Variants in MCCC2 observed in about 807,000 individuals in gnomAD.
The protein encoded by MCCC2 is methylcrotonoyl-CoA carboxylase beta chain, mitochondrial.
In MCCC2, 52 loss-of-function variants were observed where a neutral mutation model predicts 77.2. The ratio of observed to expected loss-of-function variants is 0.67; its 90% CI spans 0.54 to 0.85. The LOEUF (loss-of-function observed/expected upper bound fraction) is 0.85, where lower values mean the gene tolerates loss of function less well. Ranked by LOEUF, MCCC2 falls within the 40% of genes least tolerant of loss-of-function variation. The pLI is 0.00. For missense variants in MCCC2, 682 were observed against 703.2 expected, an observed-to-expected ratio of 0.97 and a Z score of 0.34; for synonymous variants, 253 against 248.4, an observed-to-expected ratio of 1.02 and a Z score of -0.18.
At chr5:71,633,787 G>A (rs1456217624) in intron 8 of MCCC2, among the ~76,000 whole-genome samples, 1 of 152,066 alleles carries the variant, frequency 6.6e-6, no homozygotes, top group Non-Finnish European at 1.5e-5. Context: ...TGTTCCTTCT[G>A]CTTCTATTTG....
chr5:71,601,380 G>C (rs760110249), intron 4 of MCCC2, among the ~76,000 whole-genome samples: 12 of 152,182 alleles, frequency 7.9e-5, no homozygotes, highest in Non-Finnish European at 5.9e-5. Context: ...CACACACTCT[G>C]GAGTGTGAGG....
chr5:71,614,892 T>G (rs910390100), intron 6 of MCCC2, among the ~76,000 whole-genome samples: 1 of 152,212 alleles, frequency 6.6e-6, no homozygotes, highest in Non-Finnish European at 1.5e-5. Context: ...AAAAGAACAC[T>G]AAAATGATGC....
At chr5:71,631,895 G>C (rs1411424759) in intron 7 of MCCC2, among the ~76,000 whole-genome samples, 1 of 152,098 alleles carries the variant, frequency 6.6e-6, no homozygotes, top group East Asian at 1.9e-4. Context: ...GCTTGCTATG[G>C]ACTGTAAGCA....
intron 16 of MCCC2, among the ~76,000 whole-genome samples, chr5:71,655,825 A>G (rs1328317013): frequency 6.6e-6 from 1 of 152,248 alleles, no homozygotes; most frequent in African/African-American, 2.4e-5. Flanking sequence ...ATTTCTACTT[A>G]AAAGTTTCTT....
intron 6 of MCCC2, among the ~76,000 whole-genome samples, chr5:71,606,436 A>G (rs1745679412): frequency 6.6e-6 from 1 of 151,642 alleles, no homozygotes; most frequent in Non-Finnish European, 1.5e-5. Context: ...GTATCCTGAG[A>G]CTTTGCTGAA....
At chr5:71,624,620 G>A (rs1156556929) in intron 6 of MCCC2, among the ~76,000 whole-genome samples, 5 of 150,636 alleles carry the variant, frequency 3.3e-5, no homozygotes, top group South Asian at 2.1e-4. Context: ...CAGGTGATCC[G>A]CCCACCTCAG....
chr5:71,602,934 A>G, intron 5 of MCCC2: 1 of 361,092 alleles, frequency 2.8e-6, no homozygotes, highest in Non-Finnish European at 5.0e-6. Context: ...TATGGATCAT[A>G]CTATGAAAAA....
intron 15 of MCCC2, 59 bp downstream of exon 15, chr5:71,650,242 A>C (rs1747399843): frequency 1.4e-6 from 2 of 1,455,172 alleles, no homozygotes; most frequent in Non-Finnish European, 1.9e-6. Flanking sequence ...AACACCCTGG[A>C]GCCAAGGAGC....
At position 71,632,256 on chromosome 5, in the gene MCCC2, C is replaced by T. The variant is rs277981; in HGVS notation, c.803+71C>T. On this transcript the variant is annotated intron_variant, in intron 8 of 16. Transcript: ENST00000340941. ...GTTTGTTTGTTTAAAAGAAGTTTTA[C>T]GTATTTGTTTCCAGTGCTAAACTTG... is the stretch of plus-strand genomic sequence containing the variant. 0.44 allele frequency: 667,269 copies of T among 1,501,562 alleles called. 150,611 individuals are homozygous for T. The highest frequency in any genetic ancestry group is 0.48 in the South Asian group (42,493 of 88,754). 93.0% of individuals were successfully genotyped at this position (1,501,562 alleles called of 1,614,324 possible). A position where few individuals can be genotyped will look rare whatever the true frequency, so the allele number is the denominator to read the frequency against.
At chr5:71,618,039 G>A (rs1746224557) in intron 6 of MCCC2, among the ~76,000 whole-genome samples, 2 of 152,156 alleles carry the variant, frequency 1.3e-5, no homozygotes, top group Non-Finnish European at 2.9e-5. Context: ...AAGAGTTGAT[G>A]TGTGGGTGTC....
At chr5:71,614,493 T>TA (rs1263325622) in intron 6 of MCCC2, among the ~76,000 whole-genome samples, 2 of 151,416 alleles carry the variant, frequency 1.3e-5, no homozygotes, top group Non-Finnish European at 3.0e-5. Flanking sequence ...TCTTTTTTTT[T>TA]TTTTTTGAGA....
intron 6 of MCCC2, among the ~76,000 whole-genome samples, chr5:71,626,052 T>C (rs1016188490): frequency 2.0e-5 from 3 of 152,192 alleles, no homozygotes; most frequent in African/African-American, 4.8e-5. Context: ...TGGAAAATTT[T>C]AAACACACAA....
chr5:71,621,154 T>C (rs1396018888), intron 6 of MCCC2, among the ~76,000 whole-genome samples: 5 of 152,240 alleles, frequency 3.3e-5, no homozygotes, highest in Middle Eastern at 6.8e-3. Flanking sequence ...TGGCAAGTTG[T>C]TAATGCTGTT....
chr5:71,619,947 C>T (rs185580334), intron 6 of MCCC2, among the ~76,000 whole-genome samples: 12 of 151,554 alleles, frequency 7.9e-5, no homozygotes, highest in African/African-American at 1.7e-4. Context: ...GCCAAGATCA[C>T]GCCACTGCAC....
At chr5:71,596,859 G>A (rs755233889) in intron 3 of MCCC2, among the ~76,000 whole-genome samples, 24 of 152,036 alleles carry the variant, frequency 1.6e-4, no homozygotes, top group Non-Finnish European at 2.2e-4. Context: ...AGAGTCGCTC[G>A]AACCCCAGAG....
intron 2 of MCCC2, among the ~76,000 whole-genome samples, chr5:71,594,008 ATCT>A (rs1745081137): frequency 6.6e-6 from 1 of 152,110 alleles, no homozygotes; most frequent in Non-Finnish European, 1.5e-5. Context: ...AGCTCAAGTG[ATCT>A]TCTTGCCTCA....
At position 71,595,064 on chromosome 5, in the gene MCCC2, A is replaced by C. The variant is rs1454577438; in HGVS notation, c.197-1216A>C. Reference sequence around the variant, plus strand: ...CAGGCATGCACCACCACACCCAGCTAATTTTTCATATTTTTAGTAGAGATG... The same window carrying C: ...CAGGCATGCACCACCACACCCAGCTCATTTTTCATATTTTTAGTAGAGATG... On this transcript the variant is annotated intron_variant, in intron 2 of 16. Coordinates refer to ENST00000340941, the MANE Select transcript of MCCC2 (RefSeq NM_022132.5). 2.3e-5 allele frequency among the ~76,000 whole-genome samples: 3 copies of C among 127,830 alleles called. No homozygotes were observed. The East Asian group carries it at 8.1e-4, about 35-fold the overall frequency. The allele number at this position is 127,830 out of a possible 152,430, so 83.9% of individuals were successfully genotyped here. A position where few individuals can be genotyped will look rare whatever the true frequency, so the allele number is the denominator to read the frequency against.
chr5:71,638,711 G>A (rs1747013168), intron 10 of MCCC2, among the ~76,000 whole-genome samples: 1 of 152,168 alleles, frequency 6.6e-6, no homozygotes, highest in Admixed American at 6.5e-5. Flanking sequence ...AGTAGAGACA[G>A]GGTTTTACCA....
intron 6 of MCCC2, among the ~76,000 whole-genome samples, chr5:71,619,047 G>A (rs553698156): frequency 1.1e-4 from 17 of 152,130 alleles, no homozygotes; most frequent in African/African-American, 3.9e-4. Context: ...CTTTTCCTTT[G>A]TGTTGTATTC....
Sources: gnomAD v4.1 joint callset for allele counts (sites outside exome capture counted in the v4.1 genomes callset) on GRCh38, gnomAD v4.1.1 for gene constraint, MANE v1.5 for transcripts, NCBI Gene and HGNC (gene_info 2026-07-23, HGNC 2026-07-21) for gene names.